The following PRKCQ variants were observed in gnomAD, a reference collection of about 807,000 sequenced individuals.
The protein encoded by PRKCQ is protein kinase C theta.
In PRKCQ, 41 loss-of-function variants were observed where a neutral mutation model predicts 91.2. The ratio of observed to expected loss-of-function variants is 0.45; its 90% confidence interval spans 0.35 to 0.58. The LOEUF (loss-of-function observed/expected upper bound fraction) is 0.58. Among genes scored for constraint, PRKCQ ranks in the 20% least tolerant of loss-of-function variants. PRKCQ has a pLI of 0.00. For missense variants in PRKCQ, 673 were observed against 896.5 expected (o/e 0.75, Z 3.18); for synonymous variants, 307 against 316.9 (o/e 0.97, Z 0.33).
chr10:6,577,381 T>C (rs1363357054), intron 1 of PRKCQ, among the ~76,000 whole-genome samples: 1 of 152,248 alleles, frequency 6.6e-6, no homozygotes, highest in Non-Finnish European at 1.5e-5. Context: ...TCTCATGACT[T>C]CTTCCTTAAC....
the PRKCQ span, among the ~76,000 whole-genome samples, chr10:6,404,720 T>TCTCCTTCCTCC: frequency 6.7e-6 from 1 of 149,140 alleles, no homozygotes; most frequent in Admixed American, 6.6e-5. Flanking sequence ...TTTCTCTCTC[T>TCTCCTTCCTCC]CTCCTTCCTC....
chr10:6,449,223 G>C (rs10160175), intron 15 of PRKCQ, among the ~76,000 whole-genome samples: 42,155 of 128,508 alleles, frequency 0.33, 7,642 homozygotes, highest in East Asian at 0.43. Context: ...ATAAGCAATA[G>C]AGAGAAGTGC....
intron 16 of PRKCQ, among the ~76,000 whole-genome samples, chr10:6,434,285 C>G (rs949041599): frequency 3.9e-5 from 6 of 152,070 alleles, no homozygotes; most frequent in African/African-American, 9.7e-5. Context: ...GCTGGGTTTT[C>G]TATTCTATTT....
At chr10:6,521,921 TG>T (rs5782910) in intron 1 of PRKCQ, among the ~76,000 whole-genome samples, 33,222 of 95,334 alleles carry the variant, frequency 0.35, 3,818 homozygotes, top group Non-Finnish European at 0.36. Flanking sequence ...TGTTATGTTA[TG>T]TTATTTATTT....
At chr10:6,537,573 C>G (rs190910480) in intron 1 of PRKCQ, among the ~76,000 whole-genome samples, 1 of 152,334 alleles carries the variant, frequency 6.6e-6, no homozygotes, top group East Asian at 1.9e-4. Context: ...AAAGCATTCA[C>G]AGGTCTTTGA....
intron 12 of PRKCQ, among the ~76,000 whole-genome samples, chr10:6,478,073 G>A (rs777508833): frequency 1.3e-5 from 2 of 152,146 alleles, no homozygotes; most frequent in Admixed American, 6.5e-5. Flanking sequence ...ACTAATCTTC[G>A]AGGATGTTCA....
At chr10:6,446,227 C>A (rs541408257) in intron 15 of PRKCQ, among the ~76,000 whole-genome samples, 41 of 152,138 alleles carry the variant, frequency 2.7e-4, no homozygotes, top group Non-Finnish European at 1.0e-4. Flanking sequence ...TACTTAAAGT[C>A]TCCTAGTTAG....
At chr10:6,395,339 C>T in the PRKCQ span, among the ~76,000 whole-genome samples, 7 of 152,110 alleles carry the variant, frequency 4.6e-5, no homozygotes, top group Admixed American at 2.6e-4. Context: ...GCTGGGATTA[C>T]AGGCGTGAAC....
At chr10:6,458,736 G>A (rs1297832397) in intron 14 of PRKCQ, among the ~76,000 whole-genome samples, 3 of 152,146 alleles carry the variant, frequency 2.0e-5, no homozygotes, top group Non-Finnish European at 2.9e-5. Flanking sequence ...ATGGGGTCCT[G>A]TAACGTCCAA....
intron 1 of PRKCQ, among the ~76,000 whole-genome samples, chr10:6,536,898 G>A (rs1214930628): frequency 1.3e-5 from 2 of 152,226 alleles, no homozygotes; most frequent in Non-Finnish European, 2.9e-5. Context: ...AGAGGCTGGA[G>A]GCACCACCTT....
the PRKCQ span, among the ~76,000 whole-genome samples, chr10:6,404,347 A>G: frequency 1.3e-5 from 2 of 150,552 alleles, no homozygotes; most frequent in Admixed American, 6.7e-5. Context: ...ACCCTCTTCC[A>G]TGCCAGACTC....
intron 16 of PRKCQ, among the ~76,000 whole-genome samples, chr10:6,441,621 C>T (rs1360712070): frequency 6.6e-6 from 1 of 152,168 alleles, no homozygotes; most frequent in East Asian, 1.9e-4. Flanking sequence ...CCAACTACAT[C>T]TCCAGGTGAG....
intron 1 of PRKCQ, chr10:6,515,452 G>A (rs1838713818): frequency 1.0e-6 from 1 of 985,250 alleles, no homozygotes; most frequent in Non-Finnish European, 1.2e-6. Context: ...TGGAGAGTGA[G>A]GCAAAAGTTT....
intron 3 of PRKCQ, among the ~76,000 whole-genome samples, chr10:6,508,066 T>C (rs1406551446): frequency 6.6e-6 from 1 of 152,212 alleles, no homozygotes; most frequent in Non-Finnish European, 1.5e-5. Flanking sequence ...AAAATTCTAA[T>C]TACACTGATC....
intron 1 of PRKCQ, among the ~76,000 whole-genome samples, chr10:6,551,461 A>G (rs1411441726): frequency 1.4e-5 from 2 of 147,706 alleles, no homozygotes; most frequent in Non-Finnish European, 3.0e-5. Flanking sequence ...GGAGTGCACC[A>G]TCTCAGCTCA....
intron 8 of PRKCQ, among the ~76,000 whole-genome samples, chr10:6,488,458 T>C (rs1039678697): frequency 7.3e-5 from 11 of 151,710 alleles, no homozygotes; most frequent in African/African-American, 2.4e-4. Flanking sequence ...CGATTTTGGC[T>C]CACTGCAACC....
chr10:6,489,347 G>C (rs1236291789), intron 8 of PRKCQ: 5 of 495,720 alleles, frequency 1.0e-5, no homozygotes, highest in Non-Finnish European at 1.7e-5. Context: ...TGGCCGCGAA[G>C]AAAGGCCACC....
intron 15 of PRKCQ, among the ~76,000 whole-genome samples, chr10:6,455,571 TCA>T (rs1365627979): frequency 6.6e-6 from 1 of 152,198 alleles, no homozygotes; most frequent in Non-Finnish European, 1.5e-5. Flanking sequence ...CCATCTCCAA[TCA>T]CACGTTTATT....
At chr10:6,558,696 T>G (rs981289070) in intron 1 of PRKCQ, among the ~76,000 whole-genome samples, 4 of 152,226 alleles carry the variant, frequency 2.6e-5, no homozygotes, top group African/African-American at 9.6e-5. Context: ...CTTGCACTTG[T>G]GAGGAGGTGG....
Sources: allele counts gnomAD v4.1 joint callset (sites outside exome capture counted in the v4.1 genomes callset), GRCh38; gene constraint gnomAD v4.1.1; transcripts MANE v1.5; gene names NCBI Gene and HGNC (gene_info 2026-07-23, HGNC 2026-07-21).